Variants in GPSM2 observed in about 807,000 individuals in gnomAD.
GPSM2 encodes the protein G protein signaling modulator 2, also known as G protein-signaling modulator 2.
Under a neutral mutation model 78.4 loss-of-function variants are expected in GPSM2, and 58 were observed. The observed-to-expected ratio is 0.74, with a 90% CI of 0.60 to 0.92. The LOEUF (loss-of-function observed/expected upper bound fraction) is 0.92, where lower values mean the gene tolerates loss of function less well. Among genes scored for constraint, GPSM2 ranks in the 40% least tolerant of loss-of-function variants. The pLI is 0.00. For synonymous variants in GPSM2, 224 were observed against 280.2 expected, an observed-to-expected ratio of 0.80 and a Z score of 2.00; for missense variants, 700 against 815.5, an observed-to-expected ratio of 0.86 and a Z score of 1.73.
intron 11 of GPSM2, among the ~76,000 whole-genome samples, chr1:108,917,611 C>CACACATAT (rs1312607573): frequency 7.9e-4 from 18 of 22,690 alleles, no homozygotes; most frequent in African/African-American, 1.8e-3. Context: ...CACACACACA[C>CACACATAT]ATATATATAT....
intron 11 of GPSM2, among the ~76,000 whole-genome samples, chr1:108,915,892 G>T (rs373168974): frequency 6.6e-6 from 1 of 151,966 alleles, no homozygotes; most frequent in East Asian, 1.9e-4. Context: ...CTATTCATCT[G>T]GCATTTTCAT....
At chr1:108,923,954 GTTTTTTGT>G (rs2101548212) in intron 13 of GPSM2, 38 bp from the exon 14 acceptor site, 8 of 1,424,060 alleles carry the variant, frequency 5.6e-6, no homozygotes, top group Non-Finnish European at 7.9e-6. Context: ...TTTGTTTTTT[GTTTTTTGT>G]TTTTTTTTAA....
At position 108,896,856 on chromosome 1, in the gene GPSM2, T is replaced by A. The variant is rs761125854; in HGVS notation, c.57-8T>A. 5 of 1,595,474 alleles carry A rather than the reference T, an allele frequency of 3.1e-6. No homozygotes were observed. Among genetic ancestry groups the A allele is most frequent in the Non-Finnish European group, 4.3e-6 (5 of 1,163,000 alleles). ...ATGTTTAAATGTCTGTCCTGTATAA[T>A]TTTGTAGAATGGAAGCTTCTTGCCT... is the stretch of plus-strand genomic sequence containing the variant. On this transcript the variant is annotated splice_polypyrimidine_tract_variant and splice_region_variant and intron_variant, in intron 2 of 14. Transcript: ENST00000264126.
chr1:108,879,320 A>G (rs1410236829), intron 1 of GPSM2, among the ~76,000 whole-genome samples: 1 of 152,152 alleles, frequency 6.6e-6, no homozygotes, highest in Admixed American at 6.5e-5. Flanking sequence ...AAGAAATTAA[A>G]GTTTGTTGGG....
chr1:108,920,628 G>C (rs1650634965), intron 12 of GPSM2, among the ~76,000 whole-genome samples: 1 of 151,814 alleles, frequency 6.6e-6, no homozygotes, highest in Non-Finnish European at 1.5e-5. Flanking sequence ...CCCCCAGTCT[G>C]TGGTATTGTT....
chr1:108,903,117 ACGTT>A lies in GPSM2; in HGVS notation c.954-8_954-5del. The A allele has an allele frequency of 6.5e-7, 1 of 1,526,896 alleles. No homozygotes were observed. The highest frequency in any genetic ancestry group is 1.4e-5 in the African/African-American group (1 of 73,422). The allele number at this position is 1,526,896 out of a possible 1,614,324, so 94.6% of individuals were successfully genotyped here. ...AATAACTGCATGTTCGCTTTGAATA[ACGTT>A]TTAGAATTGGTGAAGGAAGAGCATG... On this transcript the variant is annotated splice_region_variant and splice_polypyrimidine_tract_variant and intron_variant, in intron 8 of 14. Transcript: ENST00000264126.
intron 4 of GPSM2, 85 bp downstream of exon 4, chr1:108,897,712 T>C (rs1648478929): frequency 2.5e-6 from 3 of 1,213,350 alleles, no homozygotes; most frequent in African/African-American, 3.1e-5. Flanking sequence ...TTCTATAGTT[T>C]ATTTTAAAAT....
intron 12 of GPSM2, among the ~76,000 whole-genome samples, chr1:108,920,235 A>AAGGC (rs1487620633): frequency 6.6e-6 from 1 of 152,104 alleles, no homozygotes; most frequent in Non-Finnish European, 1.5e-5. Context: ...TCGGGAGGCC[A>AAGGC]AGGCAGGCGG....
intron 1 of GPSM2, among the ~76,000 whole-genome samples, chr1:108,881,540 A>G (rs1223863361): frequency 2.0e-5 from 3 of 152,228 alleles, no homozygotes; most frequent in Admixed American, 6.5e-5. Flanking sequence ...TTATTGCTAA[A>G]TTGGCTAGAG....
intron 10 of GPSM2, among the ~76,000 whole-genome samples, chr1:108,907,508 AC>A (rs762109570): frequency 6.6e-6 from 1 of 152,222 alleles, no homozygotes; most frequent in East Asian, 1.9e-4. Flanking sequence ...GAAAAAAATA[AC>A]AAAATTAGGT....
chr1:108,895,124 G>A (rs1035525306), intron 2 of GPSM2, among the ~76,000 whole-genome samples: 2 of 152,230 alleles, frequency 1.3e-5, no homozygotes, highest in Admixed American at 1.3e-4. Flanking sequence ...ATTACCTGGG[G>A]CTTTAAAAAA....
intron 13 of GPSM2, among the ~76,000 whole-genome samples, chr1:108,923,373 C>T (rs779850022): frequency 3.8e-4 from 57 of 150,368 alleles, no homozygotes; most frequent in Non-Finnish European, 5.6e-4. Context: ...GAAGAAAGGT[C>T]GTTATACATA....
At chr1:108,892,323 G>A (rs188949489) in intron 2 of GPSM2, among the ~76,000 whole-genome samples, 237 of 152,186 alleles carry the variant, frequency 1.6e-3, no homozygotes, top group African/African-American at 5.5e-3. Context: ...CTGTGAACAC[G>A]AAACAAATTT....
chr1:108,917,641 T>C (rs1489666414), intron 11 of GPSM2, among the ~76,000 whole-genome samples: 602 of 24,828 alleles, frequency 0.024, 84 homozygotes, highest in Non-Finnish European at 0.032. Flanking sequence ...TATATATATA[T>C]ATATATATAT....
rs1647469273 is a variant in GPSM2, at chr1:108,885,568, G to A, written c.46G>A (p.Val16Ile). Reference protein sequence around the residue: ...ISMREDHSFHVRYRMEASCLE... With the variant: ...ISMREDHSFHIRYRMEASCLE... ...CATGAGAGAAGACCATTCTTTTCAT[G>A]TTCGTTACAGGTAAGACTATTGCTG... Residue 16 changes from valine (V) to isoleucine (I), a missense_variant, in exon 2 of 15, where the codon GTT becomes ATT. Physicochemically the swap from Val to Ile is conservative, Grantham distance 29. Transcript: ENST00000264126. 1 of 1,577,262 alleles carries A rather than the reference G, an allele frequency of 6.3e-7. No homozygotes were observed. The highest frequency in any genetic ancestry group is 8.7e-7 in the Non-Finnish European group (1 of 1,146,572).
chr1:108,923,883 C>T (rs947756330), intron 13 of GPSM2, 117 bp from the exon 14 acceptor site: 60 of 742,596 alleles, frequency 8.1e-5, no homozygotes, highest in Non-Finnish European at 1.4e-4. Flanking sequence ...GAGGGCAGGG[C>T]GGGTCTTGGG....
intron 10 of GPSM2, among the ~76,000 whole-genome samples, chr1:108,912,495 G>A (rs750160300): frequency 9.3e-5 from 14 of 151,232 alleles, no homozygotes; most frequent in Non-Finnish European, 1.9e-4. Flanking sequence ...TGTAATCCCA[G>A]CACTTTGGGA....
intron 2 of GPSM2, among the ~76,000 whole-genome samples, chr1:108,893,153 GT>G (rs1309636517): frequency 6.6e-6 from 1 of 152,196 alleles, no homozygotes; most frequent in East Asian, 1.9e-4. Context: ...CCAGTAAAAT[GT>G]TCTGTAAACT....
chr1:108,904,094 C>T, intron 9 of GPSM2, 31 bp from the exon 10 acceptor site: 1 of 1,495,042 alleles, frequency 6.7e-7, no homozygotes, highest in East Asian at 2.3e-5. Flanking sequence ...TCTTTAAATA[C>T]TACTCTAAAA....
Sources: gnomAD v4.1 joint callset for allele counts (sites outside exome capture counted in the v4.1 genomes callset) on GRCh38, gnomAD v4.1.1 for gene constraint, MANE v1.5 for transcripts, NCBI Gene and HGNC (gene_info 2026-07-23, HGNC 2026-07-21) for gene names.